HRH1: variants seen among roughly 807,000 people sequenced by gnomAD.
HRH1 encodes the protein histamine H1 receptor.
In HRH1, 6 loss-of-function variants were observed where a neutral mutation model predicts 10.3. That is an observed-to-expected ratio of 0.58 (90% confidence interval 0.32 to 1.15). The LOEUF (loss-of-function observed/expected upper bound fraction) is 1.15. HRH1 is among the 50% of genes most tolerant of loss of function. HRH1 has a pLI of 0.05. For synonymous variants in HRH1, 242 were observed against 236.7 expected, an observed-to-expected ratio of 1.02 and a Z score of -0.21; for missense variants, 514 against 615.3, an observed-to-expected ratio of 0.84 and a Z score of 1.74.
At chr3:11,193,205 C>A (rs1937581127) in intron 1 of HRH1, among the ~76,000 whole-genome samples, 1 of 152,222 alleles carries the variant, frequency 6.6e-6, no homozygotes, top group African/African-American at 2.4e-5. Flanking sequence ...TCAGAAATAT[C>A]CCATATGCAG....
intron 1 of HRH1, among the ~76,000 whole-genome samples, chr3:11,218,514 T>C (rs1938590315): frequency 6.6e-6 from 1 of 152,100 alleles, no homozygotes; most frequent in African/African-American, 2.4e-5. Flanking sequence ...CAGTGGTTTC[T>C]TGTGGGGGCC....
intron 1 of HRH1, among the ~76,000 whole-genome samples, chr3:11,190,705 T>A (rs536941171): frequency 1.9e-4 from 29 of 151,704 alleles, no homozygotes; most frequent in South Asian, 1.0e-3. Flanking sequence ...AAAAAAAAAA[T>A]TTTAATTAGC....
intron 1 of HRH1, among the ~76,000 whole-genome samples, chr3:11,184,382 C>T (rs1014344637): frequency 2.6e-5 from 4 of 152,074 alleles, no homozygotes; most frequent in Non-Finnish European, 5.9e-5. Flanking sequence ...GCAGCAGAAG[C>T]GGAATCTGAA....
chr3:11,235,597 A>G (rs1939159432), intron 1 of HRH1, among the ~76,000 whole-genome samples: 1 of 152,194 alleles, frequency 6.6e-6, no homozygotes, highest in African/African-American at 2.4e-5. Flanking sequence ...TACTGACACC[A>G]TGGGGGTGGG....
intron 1 of HRH1, among the ~76,000 whole-genome samples, chr3:11,197,690 G>C (rs991123845): frequency 4.6e-5 from 7 of 152,110 alleles, no homozygotes; most frequent in Non-Finnish European, 1.0e-4. Context: ...CTGTAAACAT[G>C]CCTTTTAAAG....
At chr3:11,191,606 G>A (rs868685808) in intron 1 of HRH1, among the ~76,000 whole-genome samples, 3 of 152,180 alleles carry the variant, frequency 2.0e-5, no homozygotes, top group Non-Finnish European at 2.9e-5. Flanking sequence ...CTCTTTCTAC[G>A]GGAAAGATAG....
intron 1 of HRH1, among the ~76,000 whole-genome samples, chr3:11,258,085 C>T (rs182113868): frequency 1.6e-4 from 24 of 152,022 alleles, no homozygotes; most frequent in Non-Finnish European, 3.1e-4. Context: ...TTTCCAATAA[C>T]ATAATCCCCT....
chr3:11,260,894 A>C lies in HRH1; in HGVS notation c.*393A>C. On this transcript the variant is annotated 3_prime_UTR_variant, in exon 2 of 2. Transcript: ENST00000431010. ...CGAGTCAAGTGATTGACAACTGAAG[A>C]GACACGTGGCTAGGGTTCCACTGGA... 5.2e-6 allele frequency: 1 copy of C among 193,434 alleles called. No individual in the cohort carries two copies. Among genetic ancestry groups the C allele is most frequent in the Non-Finnish European group, 1.2e-5 (1 of 84,098 alleles). 12.0% of individuals were successfully genotyped at this position (193,434 alleles called of 1,614,324 possible).
At chr3:11,231,344 A>G (rs757697120) in intron 1 of HRH1, among the ~76,000 whole-genome samples, 12 of 152,194 alleles carry the variant, frequency 7.9e-5, no homozygotes, top group Non-Finnish European at 1.3e-4. Context: ...TTTCTTTGAG[A>G]TAAATGTCCA....
At chr3:11,237,276 A>G (rs1223931053) in intron 1 of HRH1, among the ~76,000 whole-genome samples, 1 of 152,246 alleles carries the variant, frequency 6.6e-6, no homozygotes, top group Non-Finnish European at 1.5e-5. Context: ...TTCTCACGTT[A>G]GCACGGATGT....
At chr3:11,235,159 G>A (rs1447585475) in intron 1 of HRH1, among the ~76,000 whole-genome samples, 1 of 149,106 alleles carries the variant, frequency 6.7e-6, no homozygotes, top group Non-Finnish European at 1.5e-5. Flanking sequence ...AGATTGCAGT[G>A]AGCCGAGATC....
At chr3:11,235,771 CG>C (rs1230551225) in intron 1 of HRH1, among the ~76,000 whole-genome samples, 1 of 152,216 alleles carries the variant, frequency 6.6e-6, no homozygotes. Context: ...AGGACAGGAG[CG>C]GGGCACAGTG....
chr3:11,208,743 AC>A (rs1559271670), intron 1 of HRH1, among the ~76,000 whole-genome samples: 1 of 152,222 alleles, frequency 6.6e-6, no homozygotes, highest in Non-Finnish European at 1.5e-5. Context: ...ATCGCTGTAT[AC>A]CATCCCGGTG....
chr3:11,249,182 G>C (rs1194742103), intron 1 of HRH1, among the ~76,000 whole-genome samples: 1 of 152,022 alleles, frequency 6.6e-6, no homozygotes, highest in African/African-American at 2.4e-5. Flanking sequence ...GGATCACGAG[G>C]TCAGGAGATC....
At chr3:11,145,812 C>G (rs1574969713) in intron 1 of HRH1, among the ~76,000 whole-genome samples, 1 of 152,120 alleles carries the variant, frequency 6.6e-6, no homozygotes, top group Admixed American at 6.5e-5. Flanking sequence ...TTAGATAACT[C>G]TTCATATGAA....
chr3:11,137,854 ATGGCGGGAGAG>A (rs2124989708), intron 1 of HRH1, among the ~76,000 whole-genome samples: 1 of 152,176 alleles, frequency 6.6e-6, no homozygotes, highest in South Asian at 2.1e-4. Context: ...TTCTTTTGTT[ATGGCGGGAGAG>A]TATCTGGTGC....
chr3:11,212,595 G>A (rs1203527655), intron 1 of HRH1, among the ~76,000 whole-genome samples: 2 of 152,224 alleles, frequency 1.3e-5, no homozygotes, highest in South Asian at 2.1e-4. Context: ...TTCCTAATTA[G>A]CCCTCCTTGT....
intron 1 of HRH1, among the ~76,000 whole-genome samples, chr3:11,236,842 T>A (rs1435637843): frequency 6.6e-6 from 1 of 152,180 alleles, no homozygotes; most frequent in African/African-American, 2.4e-5. Flanking sequence ...TGCAGGCAGG[T>A]GTCCATCAGG....
At chr3:11,234,537 T>C in intron 1 of HRH1, 2 of 1,401,522 alleles carry the variant, frequency 1.4e-6, no homozygotes, top group Non-Finnish European at 1.0e-6. Context: ...TTCCAGTTAA[T>C]GTCTTCATTG....
Sources: gnomAD v4.1 joint callset for allele counts (sites outside exome capture counted in the v4.1 genomes callset) on GRCh38, gnomAD v4.1.1 for gene constraint, MANE v1.5 for transcripts, NCBI Gene and HGNC (gene_info 2026-07-23, HGNC 2026-07-21) for gene names.